RNASEH2B: variants seen among roughly 807,000 people sequenced by gnomAD.
The protein encoded by RNASEH2B is Aicardi-Goutieres syndrome 2 protein.
Under a neutral mutation model 45.0 loss-of-function variants are expected in RNASEH2B, and 36 were observed. The observed-to-expected ratio is 0.80, with a 90% CI of 0.61 to 1.06. RNASEH2B has a LOEUF of 1.06. Among genes scored for constraint, RNASEH2B ranks in the 50% least tolerant of loss-of-function variants. The pLI is 0.00. For missense variants in RNASEH2B, 361 were observed against 360.3 expected (o/e 1.00, Z -0.02); for synonymous variants, 119 against 125.7 (o/e 0.95, Z 0.35).
intron 9 of RNASEH2B, among the ~76,000 whole-genome samples, chr13:50,966,031 G>A (rs1254393904): frequency 6.6e-6 from 1 of 152,096 alleles, no homozygotes; most frequent in East Asian, 1.9e-4. Context: ...CCAAGTTGAA[G>A]ATCTCACTGG....
Position 50,934,924 on chromosome 13 carries a change from G to T in RNASEH2B, c.361G>T (p.Val121Leu), listed in dbSNP as rs764980431. ...CCTTGATCAAGTTGTGGTGGATAAC[G>T]TGTTTCCAAATTGCATCTTGTTGCT... ...QPLDQVVVDN[V>L]FPNCILLLKL... Residue 121 changes from valine (V) to leucine (L), a missense_variant, in exon 5 of 11, where the codon GTG becomes TTG. Physicochemically the swap from Val to Leu is conservative, Grantham distance 32. Transcript: ENST00000336617. 3 of 1,613,918 alleles carry T rather than the reference G, an allele frequency of 1.9e-6. No homozygotes were observed. The highest frequency in any genetic ancestry group is 3.3e-5 in the Admixed American group (2 of 60,002).
chr13:50,927,542 T>C, intron 2 of RNASEH2B, 64 bp downstream of exon 2: 1 of 1,008,846 alleles, frequency 9.9e-7, no homozygotes, highest in South Asian at 1.3e-5. Flanking sequence ...TATACACTTT[T>C]ATGTCTTTGT....
chr13:50,945,328 T>C, intron 6 of RNASEH2B, 99 bp from the exon 7 acceptor site: 1 of 797,576 alleles, frequency 1.3e-6, no homozygotes, highest in Non-Finnish European at 2.2e-6. Context: ...AATACTTCTT[T>C]GCAGATCTCT....
intron 5 of RNASEH2B, chr13:50,942,337 T>C (rs1045665362): frequency 1.3e-5 from 2 of 152,186 alleles, no homozygotes; most frequent in Non-Finnish European, 2.9e-5. Context: ...AAGGGCCAGA[T>C]TGAGCCTACC....
In RNASEH2B at chr13:50,954,170, CTTA is replaced by C. The variant is rs576231348; in HGVS notation, c.822+192_822+194del. The C allele has an allele frequency of 1.8e-4, 117 of 647,066 alleles. No individual in the cohort carries two copies. The South Asian group carries it at 2.0e-3, about 11-fold the overall frequency. 40.1% of individuals were successfully genotyped at this position (647,066 alleles called of 1,614,324 possible). A position where few individuals can be genotyped will look rare whatever the true frequency, so the allele number is the denominator to read the frequency against. On this transcript the variant is annotated intron_variant, in intron 10 of 10. Transcript: ENST00000336617. Reference sequence around the variant, plus strand: ...CAATGAAAATGTTAAGCAACTAAGACTTATTATTAGTCAGAGAAAAACAATATA... The same window carrying C: ...CAATGAAAATGTTAAGCAACTAAGACTTATTAGTCAGAGAAAAACAATATA...
chr13:50,935,254 C>T, intron 5 of RNASEH2B: 2 of 486,768 alleles, frequency 4.1e-6, no homozygotes, highest in South Asian at 4.8e-5. Flanking sequence ...AGTCTCACTT[C>T]TTCTTTGAAC....
chr13:50,912,886 C>CT (rs1486288452), intron 1 of RNASEH2B: 4 of 152,166 alleles, frequency 2.6e-5, no homozygotes, highest in South Asian at 4.1e-4. Flanking sequence ...TGCAATGATA[C>CT]TTTTTTCCAA....
At chr13:50,924,602 A>G (rs549203339) in intron 1 of RNASEH2B, among the ~76,000 whole-genome samples, 1 of 152,330 alleles carries the variant, frequency 6.6e-6, no homozygotes, top group East Asian at 1.9e-4. Context: ...TCTGTCACCC[A>G]GGCTGGAGTA....
chr13:50,950,518 G>A (rs991099290), intron 9 of RNASEH2B: 3 of 152,202 alleles, frequency 2.0e-5, no homozygotes, highest in African/African-American at 7.2e-5. Context: ...GTTGCTGTAA[G>A]ATCTAAGGAC....
At chr13:50,911,433 T>C (rs1879388976) in intron 1 of RNASEH2B, 1 of 152,298 alleles carries the variant, frequency 6.6e-6, no homozygotes, top group South Asian at 2.1e-4. Context: ...TTTGCAACTA[T>C]TACAAGTTAC....
rs140189984 is a variant in RNASEH2B at position 50,947,817 on chromosome 13, G to C, written c.617-170G>C. On this transcript the variant is annotated intron_variant, in intron 7 of 10. Coordinates refer to ENST00000336617, the MANE Select transcript of RNASEH2B (RefSeq NM_024570.4). ...CTCATATCTTCCCACTAGTCTGACC[G>C]ATAGATATTACTATCCCCATTTTAC... 2.0e-5 allele frequency among the ~76,000 whole-genome samples: 3 copies of C among 152,062 alleles called. No homozygotes were observed. In the South Asian group the frequency reaches 6.2e-4, roughly 32 times the overall value.
In RNASEH2B at chr13:50,947,884, A is replaced by G. The variant is rs1038455472; in HGVS notation, c.617-103A>G. On this transcript the variant is annotated intron_variant, in intron 7 of 10. Transcript: ENST00000336617. Reference sequence around the variant, plus strand: ...GCTAGAGCTTAAGTGAGTTCCCTTTATCCAGATAGGGTCAGAATTTGAATT... The same window carrying G: ...GCTAGAGCTTAAGTGAGTTCCCTTTGTCCAGATAGGGTCAGAATTTGAATT... The G allele has an allele frequency of 5.1e-6, 8 of 1,576,198 alleles. No homozygotes were observed. In the African/African-American group the frequency reaches 9.4e-5, roughly 19 times the overall value.
chr13:50,930,458 C>G (rs1294768333), intron 3 of RNASEH2B, among the ~76,000 whole-genome samples: 1 of 152,184 alleles, frequency 6.6e-6, no homozygotes, highest in Non-Finnish European at 1.5e-5. Flanking sequence ...GGTCTTGGTT[C>G]TCCTCTCCAC....
chr13:50,933,165 A>T (rs1386006684), intron 4 of RNASEH2B, among the ~76,000 whole-genome samples: 15 of 152,232 alleles, frequency 9.9e-5, no homozygotes, highest in Non-Finnish European at 5.9e-5. Flanking sequence ...GTTTTCTAGG[A>T]TAAATTAATG....
At chr13:50,963,185 A>G (rs1178825732) in intron 9 of RNASEH2B, among the ~76,000 whole-genome samples, 4 of 151,760 alleles carry the variant, frequency 2.6e-5, no homozygotes, top group Admixed American at 1.3e-4. Context: ...TATTTTTGAG[A>G]TGGAGTTTCG....
At chr13:50,969,414 G>A (rs550665241) in intron 9 of RNASEH2B, among the ~76,000 whole-genome samples, 1 of 150,572 alleles carries the variant, frequency 6.6e-6, no homozygotes, top group African/African-American at 2.4e-5. Context: ...TCTTCACAGG[G>A]ACATTAGGTG....
chr13:50,946,852 G>C (rs1000128360), intron 7 of RNASEH2B, among the ~76,000 whole-genome samples: 4 of 152,086 alleles, frequency 2.6e-5, no homozygotes, highest in African/African-American at 7.2e-5. Context: ...AGCAGCAAAT[G>C]AACTATATGT....
At chr13:50,970,033 T>C in exon 10 of RNASEH2B, 1 of 1,473,502 alleles carries the variant, frequency 6.8e-7, no homozygotes, top group Non-Finnish European at 9.3e-7. Flanking sequence ...GGACTCGGAC[T>C]TTTTCTTCTG....
At chr13:50,930,234 A>C (rs374978301) in intron 3 of RNASEH2B, 50 of 295,172 alleles carry the variant, frequency 1.7e-4, no homozygotes, top group African/African-American at 9.6e-4. Context: ...GTATAGAGAG[A>C]ATGGCACTGC....
Sources: gnomAD v4.1 joint callset for allele counts (sites outside exome capture counted in the v4.1 genomes callset) on GRCh38, gnomAD v4.1.1 for gene constraint, MANE v1.5 for transcripts, NCBI Gene and HGNC (gene_info 2026-07-23, HGNC 2026-07-21) for gene names.